Variants in SCN1A observed in about 807,000 individuals in gnomAD.
The protein encoded by SCN1A is sodium channel protein type 1 subunit alpha.
A neutral mutation model predicts 193.7 loss-of-function variants in SCN1A; 13 were observed. The ratio of observed to expected loss-of-function variants is 0.07; its 90% CI spans 0.04 to 0.11. The LOEUF (loss-of-function observed/expected upper bound fraction) is 0.11. Ranked by LOEUF, SCN1A falls within the 10% of genes least tolerant of loss-of-function variation. The probability of loss-of-function intolerance (pLI) is 1.00; values close to 1 mark genes in which losing one functional copy is unlikely to be tolerated. For missense variants in SCN1A, 1,432 were observed against 2,451.1 expected, an observed-to-expected ratio of 0.58 and a Z score of 8.78; for synonymous variants, 781 against 843.6, an observed-to-expected ratio of 0.93 and a Z score of 1.29.
intron 4 of SCN1A, among the ~76,000 whole-genome samples, chr2:166,062,645 G>A (rs1250234571): frequency 2.0e-5 from 3 of 151,950 alleles, no homozygotes; most frequent in African/African-American, 7.2e-5. Flanking sequence ...TGCCTTCCCC[G>A]CTATACGTAT....
intron 23 of SCN1A, 76 bp downstream of exon 23, chr2:166,009,643 G>C: frequency 6.9e-7 from 1 of 1,444,150 alleles, no homozygotes; most frequent in Non-Finnish European, 9.4e-7. Context: ...TGCATGCATA[G>C]ATTTTCCTTT....
intron 23 of SCN1A, among the ~76,000 whole-genome samples, chr2:166,004,372 C>T (rs553918946): frequency 8.4e-4 from 127 of 151,584 alleles, no homozygotes; most frequent in African/African-American, 2.8e-3. Context: ...ATGAGCAGAA[C>T]ACTGATTATC....
chr2:166,123,040 A>G (rs1010535591), intron 2 of SCN1A, among the ~76,000 whole-genome samples: 2 of 152,064 alleles, frequency 1.3e-5, no homozygotes, highest in Non-Finnish European at 2.9e-5. Flanking sequence ...GAGAAGAACT[A>G]CAGTGTCCAT....
At chr2:166,089,036 T>C (rs370638885) in intron 2 of SCN1A, among the ~76,000 whole-genome samples, 3 of 152,234 alleles carry the variant, frequency 2.0e-5, no homozygotes, top group Non-Finnish European at 2.9e-5. Context: ...ATATTTACTA[T>C]ACTTTAAGTT....
intron 2 of SCN1A, among the ~76,000 whole-genome samples, chr2:166,102,722 C>A (rs904886063): frequency 3.3e-5 from 5 of 152,084 alleles, no homozygotes; most frequent in Non-Finnish European, 7.4e-5. Context: ...GACTATAAAT[C>A]ATTCTACCAA....
intron 19 of SCN1A, chr2:166,016,252 T>C (rs1441620102): frequency 1.3e-5 from 2 of 155,466 alleles, no homozygotes; most frequent in African/African-American, 4.8e-5. Context: ...ATAAATGTGG[T>C]CATTTGGAGA....
Position 165,992,468 on chromosome 2 carries a change from T to C in SCN1A, c.4853-46A>G. The C allele has an allele frequency of 6.2e-7, 1 of 1,607,884 alleles. No individual in the cohort carries two copies. Among genetic ancestry groups the C allele is most frequent in the Non-Finnish European group, 8.5e-7 (1 of 1,175,070 alleles). On this transcript the variant is annotated intron_variant, in intron 28 of 28. Transcript: ENST00000674923. The surrounding 1 kb of genome is among the most constrained non-coding windows in gnomAD (Gnocchi z 6.5). Reference sequence around the variant, plus strand: ...TACCAACCAGTGAAGAAATCATGCGTTAAAATAAACATATGTTTCTTCTAA... The same window carrying C: ...TACCAACCAGTGAAGAAATCATGCGCTAAAATAAACATATGTTTCTTCTAA...
chr2:166,020,829 A>T (rs1438961324), intron 19 of SCN1A, among the ~76,000 whole-genome samples: 1 of 152,186 alleles, frequency 6.6e-6, no homozygotes, highest in Non-Finnish European at 1.5e-5. Context: ...GGGGAAAAAA[A>T]AAACTAAACA....
At chr2:165,994,458 C>T in intron 27 of SCN1A, 42 bp from the exon 28 acceptor site, 1 of 1,588,366 alleles carries the variant, frequency 6.3e-7, no homozygotes, top group African/African-American at 1.3e-5. Flanking sequence ...AAGGAGTTTT[C>T]TCATGTGCAT....
chr2:166,047,629 G>A lies in SCN1A; in HGVS notation c.1168C>T (p.Leu390=). The A allele has an allele frequency of 3.1e-6, 5 of 1,613,440 alleles. No individual in the cohort carries two copies. Among genetic ancestry groups the A allele is most frequent in the Non-Finnish European group, 4.2e-6 (5 of 1,179,518 alleles). The part of the protein sequence containing the change: ...TQDFWENLYQ[L]TLRAAGKTYM... Reference sequence around the variant, plus strand: ...GAGTGTGGCTCTTTAGTTCTCACCAGTTGATAAAGATTTTCCCAGAAGTCC... The same window carrying A: ...GAGTGTGGCTCTTTAGTTCTCACCAATTGATAAAGATTTTCCCAGAAGTCC... The change falls in exon 11 of 29, where the codon CTG becomes TTG. Residue 390 remains leucine (L), a splice_region_variant and synonymous_variant. Transcript: ENST00000674923.
intron 2 of SCN1A, among the ~76,000 whole-genome samples, chr2:166,114,434 A>G (rs879186596): frequency 6.6e-6 from 1 of 152,160 alleles, no homozygotes; most frequent in Non-Finnish European, 1.5e-5. Context: ...TCAAAAAGAA[A>G]GAGAACAAGC....
chr2:166,065,461 G>A (rs1162686784), intron 4 of SCN1A, among the ~76,000 whole-genome samples: 2 of 152,112 alleles, frequency 1.3e-5, no homozygotes, highest in African/African-American at 2.4e-5. Context: ...GACTTTAAAT[G>A]GTCTCACCTA....
chr2:166,015,670 C>T lies in SCN1A; in HGVS notation c.3487G>A (p.Val1163Ile). The T allele has an allele frequency of 6.2e-7, 1 of 1,612,988 alleles. No homozygotes were observed. The highest frequency in any genetic ancestry group is 8.5e-7 in the Non-Finnish European group (1 of 1,179,104). ...EGSTVDIGAP[V>I]EEQPVVEPEE... Reference sequence around the variant, plus strand: ...GGTTCCACTACGGGCTGTTCTTCTACAGGTGCGCCGATGTCCACAGTGCTA... The same window carrying T: ...GGTTCCACTACGGGCTGTTCTTCTATAGGTGCGCCGATGTCCACAGTGCTA... The change falls in exon 20 of 29, where the codon GTA becomes ATA. Residue 1163 changes from valine to isoleucine, a missense_variant. This residue lies in a region of SCN1A where 198 missense variants were observed against 225.8 expected (regional missense o/e 0.88). Coordinates refer to ENST00000674923, the MANE Select transcript of SCN1A (RefSeq NM_001165963.4).
chr2:165,991,905 A>T lies in SCN1A; in HGVS notation c.5370T>A (p.Ser1790Arg), dbSNP rs1471694288. 1.9e-6 allele frequency: 3 copies of T among 1,613,978 alleles called. No individual in the cohort carries two copies. The change falls in exon 29 of 29, where the codon AGT (serine) becomes AGA (arginine). Residue 1790 changes from serine to arginine, a missense_variant. Physicochemically the swap from Ser to Arg is moderately radical, Grantham distance 110. This residue lies in a region of SCN1A where 59 missense variants were observed against 110.6 expected (regional missense o/e 0.53). Transcript: ENST00000674923. ...GCTCTGCACTTTCTTCAGTAGCAAC[A>T]CTGAAGTTCTCCAGGATGACCGCGA... ...MYIAVILENF[S>R]VATEESAEPL...
chr2:166,005,534 G>C (rs1038523601), intron 23 of SCN1A, among the ~76,000 whole-genome samples: 1 of 151,264 alleles, frequency 6.6e-6, no homozygotes, highest in African/African-American at 2.4e-5. Flanking sequence ...CCAGAGAAAA[G>C]TTTTATTTTT....
At chr2:166,105,444 A>C (rs1344492415) in intron 2 of SCN1A, among the ~76,000 whole-genome samples, 2 of 152,248 alleles carry the variant, frequency 1.3e-5, no homozygotes, top group Non-Finnish European at 2.9e-5. Flanking sequence ...TGCTTCAGTG[A>C]AACCCTTTAC....
chr2:166,138,234 G>C (rs1317838720), intron 1 of SCN1A, among the ~76,000 whole-genome samples: 1 of 152,214 alleles, frequency 6.6e-6, no homozygotes, highest in Non-Finnish European at 1.5e-5. Context: ...AGAAAGTCAA[G>C]CTAGCTGCAG....
intron 2 of SCN1A, among the ~76,000 whole-genome samples, chr2:166,115,253 G>T (rs1050433209): frequency 3.3e-5 from 5 of 152,228 alleles, no homozygotes; most frequent in African/African-American, 4.8e-5. Context: ...CCGCCACTTG[G>T]GGGGCTGAGA....
intron 3 of SCN1A, among the ~76,000 whole-genome samples, chr2:166,075,988 C>T (rs889288962): frequency 7.9e-5 from 12 of 151,800 alleles, no homozygotes; most frequent in Non-Finnish European, 1.6e-4. Context: ...TATTTAAAAA[C>T]AGCCCATTTT....
Sources: gnomAD v4.1 joint callset for allele counts (sites outside exome capture counted in the v4.1 genomes callset) on GRCh38, gnomAD v4.1.1 for gene constraint, gnomAD v4.1.1 regional missense constraint, Gnocchi (gnomAD v3.1) non-coding constraint, MANE v1.5 for transcripts, NCBI Gene and HGNC (gene_info 2026-07-23, HGNC 2026-07-21) for gene names.